Variants in PCDHA4 observed in about 807,000 individuals in gnomAD.
The protein encoded by PCDHA4 is protocadherin alpha 4.
Under a neutral mutation model 61.4 loss-of-function variants are expected in PCDHA4, and 49 were observed. The observed-to-expected ratio is 0.80, with a 90% CI of 0.63 to 1.01. The LOEUF is 1.01. Ranked by LOEUF, PCDHA4 falls within the 50% of genes least tolerant of loss-of-function variation. The pLI, the probability that PCDHA4 is intolerant of heterozygous loss-of-function variation, is 0.00. For missense variants in PCDHA4, 1,254 were observed against 1,235.8 expected, an observed-to-expected ratio of 1.01 and a Z score of -0.22; for synonymous variants, 590 against 550.3, an observed-to-expected ratio of 1.07 and a Z score of -1.01.
intron 1 of PCDHA4, chr5:140,968,410 T>G: frequency 6.2e-7 from 1 of 1,614,040 alleles, no homozygotes. Context: ...TCTTTGTGAC[T>G]GTGGAGGCTC....
At chr5:140,938,415 T>A (rs1034279514) in intron 1 of PCDHA4, among the ~76,000 whole-genome samples, 6 of 152,190 alleles carry the variant, frequency 3.9e-5, no homozygotes, top group African/African-American at 1.4e-4. Context: ...TTGGGTTTAT[T>A]TGCAAAAATC....
rs145175505 is a variant in PCDHA4 at position 140,843,176 on chromosome 5, C to G, written c.2385+33604C>G. On this transcript the variant is annotated intron_variant, in intron 1 of 3. Coordinates refer to ENST00000530339, the MANE Select transcript of PCDHA4 (RefSeq NM_018907.4). Reference sequence around the variant, plus strand: ...GCTGCAGCCAGCTGCAAGCAGCCCTCGCATCCCGTTCCGCGTGGGGCTGTA... The same window carrying G: ...GCTGCAGCCAGCTGCAAGCAGCCCTGGCATCCCGTTCCGCGTGGGGCTGTA... 2 of 1,595,968 alleles carry G rather than the reference C, an allele frequency of 1.3e-6. No homozygotes were observed. Among genetic ancestry groups the G allele is most frequent in the Non-Finnish European group, 1.7e-6 (2 of 1,165,618 alleles).
Position 140,856,573 on chromosome 5 carries a change from G to A in PCDHA4, c.2385+47001G>A, listed in dbSNP as rs1168113677. 4.4e-6 allele frequency: 7 copies of A among 1,597,600 alleles called. No individual in the cohort carries two copies. The African/African-American group carries it at 5.4e-5, about 12-fold the overall frequency. ...TTACTTACAAACTCAGTCCAAATGA[G>A]TATTTTGTTCTTGATATTATAAACA... On this transcript the variant is annotated intron_variant, in intron 1 of 3. Transcript: ENST00000530339.
chr5:140,828,187 C>A (rs2150152114), intron 1 of PCDHA4: 1 of 1,614,148 alleles, frequency 6.2e-7, no homozygotes, highest in Non-Finnish European at 8.5e-7. Context: ...GCCAGCTCCA[C>A]TACTCCGTAC....
In PCDHA4 at chr5:140,843,038, AC is replaced by A. The variant is rs1778505968; in HGVS notation, c.2385+33467del. On this transcript the variant is annotated intron_variant, in intron 1 of 3. Coordinates refer to ENST00000530339, the MANE Select transcript of PCDHA4 (RefSeq NM_018907.4). Reference sequence around the variant, plus strand: ...ACTGCTGGAGCCTCGGGTGGGTGGCACTGGTGGCGCAGCGAGCAAGCTGGTG... The same window carrying A: ...ACTGCTGGAGCCTCGGGTGGGTGGCATGGTGGCGCAGCGAGCAAGCTGGTG... 4.4e-6 allele frequency: 7 copies of A among 1,595,166 alleles called. 1 individual carries two copies. The highest frequency in any genetic ancestry group is 6.0e-6 in the Non-Finnish European group (7 of 1,165,358).
At position 141,009,957 on chromosome 5, in the gene PCDHA4, G is replaced by A; in HGVS notation, c.*20G>A. The stretch of plus-strand genomic sequence containing the variant: ...CAGTGAGGTCCTCAAATGGAAACAA[G>A]CCACTTAGCCAGTTTTTGTAATAAT... On this transcript the variant is annotated 3_prime_UTR_variant, in exon 4 of 4. Transcript: ENST00000530339. 1 of 1,589,160 alleles carries A rather than the reference G, an allele frequency of 6.3e-7. No individual in the cohort carries two copies. Among genetic ancestry groups the A allele is most frequent in the Non-Finnish European group, 8.5e-7 (1 of 1,171,102 alleles).
In PCDHA4 at chr5:140,876,439, A is replaced by G; in HGVS notation, c.2385+66867A>G. 4 of 1,613,988 alleles carry G rather than the reference A, an allele frequency of 2.5e-6. No individual in the cohort carries two copies. The East Asian group carries it at 8.9e-5, about 36-fold the overall frequency. ...TGCCTATGAAATTCAGGTTAACGCC[A>G]TTGATAAAGGGATTCCTTCCATGGC... is the stretch of plus-strand genomic sequence containing the variant. On this transcript the variant is annotated intron_variant, in intron 1 of 3. Transcript: ENST00000530339.
At chr5:140,875,743 G>A (rs782705899) in intron 1 of PCDHA4, 7 of 1,614,108 alleles carry the variant, frequency 4.3e-6, no homozygotes, top group Non-Finnish European at 5.1e-6. Context: ...TTCTCGGATC[G>A]ACCGCGAGAA....
chr5:140,866,649 T>G (rs1554160460), intron 1 of PCDHA4: 4 of 152,162 alleles, frequency 2.6e-5, no homozygotes, highest in African/African-American at 9.6e-5. Context: ...AAAATTTATT[T>G]ATGTGTTTTC....
intron 1 of PCDHA4, among the ~76,000 whole-genome samples, chr5:140,941,241 TTCTTTCTTTCTTTC>T (rs1247398838): frequency 5.8e-4 from 81 of 140,456 alleles, no homozygotes; most frequent in African/African-American, 2.0e-3. Flanking sequence ...CTTTCTTTCT[TTCTTTCTTTCTTTC>T]TCTTTCTTTC....
intron 3 of PCDHA4, among the ~76,000 whole-genome samples, chr5:140,994,309 C>T (rs924119174): frequency 1.3e-5 from 2 of 152,072 alleles, no homozygotes; most frequent in African/African-American, 4.8e-5. Context: ...TTCACAGGGC[C>T]CAAACACTCT....
At chr5:140,875,991 T>C in intron 1 of PCDHA4, 2 of 1,613,966 alleles carry the variant, frequency 1.2e-6, no homozygotes, top group South Asian at 2.2e-5. Context: ...ATGCGTTAAG[T>C]CTAAATGAGA....
chr5:140,883,414 T>C, intron 1 of PCDHA4: 1 of 1,614,170 alleles, frequency 6.2e-7, no homozygotes, highest in South Asian at 1.1e-5. Flanking sequence ...CTGGCTCAAA[T>C]GGACAGGTCA....
At chr5:140,967,047 T>C in intron 1 of PCDHA4, 5 of 1,612,444 alleles carry the variant, frequency 3.1e-6, no homozygotes, top group Non-Finnish European at 4.2e-6. Flanking sequence ...GAGCTGGACC[T>C]GACGAGTGGA....
intron 1 of PCDHA4, chr5:140,883,208 A>G: frequency 6.2e-7 from 1 of 1,614,034 alleles, no homozygotes; most frequent in Non-Finnish European, 8.5e-7. Flanking sequence ...CGAAGAAAAG[A>G]AATTATATGA....
rs1554125022 is a variant in PCDHA4, at chr5:140,809,143, G to A, written c.1956G>A (p.Lys652=). 2.5e-6 allele frequency: 4 copies of A among 1,614,018 alleles called. No individual in the cohort carries two copies. In the East Asian group the frequency reaches 8.9e-5, roughly 36 times the overall value. The change falls in exon 1 of 4, where the codon AAG becomes AAA. Residue 652 remains lysine (K), a synonymous_variant. Coordinates refer to ENST00000530339, the MANE Select transcript of PCDHA4 (RefSeq NM_018907.4). ...APRHRLLVLV[K]DHGEPALTAT... ...GCCACCGCCTACTGGTACTGGTGAA[G>A]GACCACGGCGAGCCCGCGCTGACGG...
intron 1 of PCDHA4, chr5:140,853,216 G>T: frequency 1.0e-6 from 1 of 983,832 alleles, no homozygotes; most frequent in Non-Finnish European, 1.2e-6. Context: ...TGTATTGATG[G>T]GATTGGTAAT....
chr5:140,859,991 A>G (rs1486965129), intron 1 of PCDHA4: 1 of 152,000 alleles, frequency 6.6e-6, no homozygotes, highest in Admixed American at 6.6e-5. Context: ...TAATCTCTCC[A>G]TCAATACTAA....
At chr5:140,909,470 C>T (rs566835545) in intron 1 of PCDHA4, among the ~76,000 whole-genome samples, 1 of 152,320 alleles carries the variant, frequency 6.6e-6, no homozygotes, top group African/African-American at 2.4e-5. Flanking sequence ...GTCTTCTTCA[C>T]AGGCTAAATA....
Sources: allele counts gnomAD v4.1 joint callset (sites outside exome capture counted in the v4.1 genomes callset), GRCh38; gene constraint gnomAD v4.1.1; transcripts MANE v1.5; gene names NCBI Gene and HGNC (gene_info 2026-07-23, HGNC 2026-07-21).